LTN1: variants seen among roughly 807,000 people sequenced by gnomAD.
LTN1 encodes E3 ubiquitin-protein ligase listerin.
In LTN1, 88 loss-of-function variants were observed where a neutral mutation model predicts 201.2. That is an observed-to-expected ratio of 0.44 (90% CI 0.37 to 0.52). LTN1 has a LOEUF of 0.52. LTN1 is among the 20% of genes least tolerant of loss of function. The probability of loss-of-function intolerance (pLI) is 0.00; values close to 1 mark genes in which losing one functional copy is unlikely to be tolerated. For synonymous variants in LTN1, 645 were observed against 713.5 expected, an observed-to-expected ratio of 0.90 and a Z score of 1.53; for missense variants, 1,752 against 2,038.7, an observed-to-expected ratio of 0.86 and a Z score of 2.71.
At position 28,984,773 on chromosome 21, in the gene LTN1, T is replaced by C. The variant is rs1460534566; in HGVS notation, c.495A>G (p.Ala165=). 9.3e-6 allele frequency: 15 copies of C among 1,614,124 alleles called. No homozygotes were observed. The African/African-American group carries it at 1.7e-4, about 19-fold the overall frequency. The change falls in exon 4 of 30, where the codon GCA becomes GCG. Residue 165 remains alanine (A), a synonymous_variant. Coordinates refer to ENST00000361371, the MANE Select transcript of LTN1 (RefSeq NM_015565.3). ...AAGCCGCTTCAAATGCATCTTTTGC[T>C]GCAAACGCAGCTGGTGTGTAAGTAT... ...QCDTYTPAAF[A]AKDAFEAAFP... is the part of the protein sequence containing the mutation.
chr21:28,959,346 T>C (rs776808468), intron 13 of LTN1, 112 bp downstream of exon 13: 6 of 1,342,484 alleles, frequency 4.5e-6, no homozygotes, highest in Non-Finnish European at 6.1e-6. Flanking sequence ...CTCAAAATGC[T>C]TTAAACTTTC....
Position 28,985,968 on chromosome 21 carries a change from C to CT in LTN1, c.345+170dup, listed in dbSNP as rs1307580837. 6.6e-5 allele frequency among the ~76,000 whole-genome samples: 10 copies of CT among 152,194 alleles called. No homozygotes were observed. The East Asian group carries it at 1.7e-3, about 26-fold the overall frequency. ...GAGCCACCATACCAGGCCCCAATCT[C>CT]TTTTTTTATTTCCACGCTCTTCTCA... On this transcript the variant is annotated intron_variant, in intron 3 of 29. Transcript: ENST00000361371.
At chr21:28,948,070 T>C (rs2084353536) in intron 18 of LTN1, among the ~76,000 whole-genome samples, 1 of 146,348 alleles carries the variant, frequency 6.8e-6, no homozygotes, top group Non-Finnish European at 1.5e-5. Context: ...CAGGCACCTG[T>C]AATCCCAGCT....
At chr21:28,980,569 CA>C (rs565993803) in intron 6 of LTN1, among the ~76,000 whole-genome samples, 122 of 132,864 alleles carry the variant, frequency 9.2e-4, no homozygotes, top group East Asian at 4.5e-3. Flanking sequence ...AAAGAACTAC[CA>C]AAAAAAAAAA....
chr21:28,938,555 G>C (rs1051931061), intron 25 of LTN1, among the ~76,000 whole-genome samples: 2 of 151,968 alleles, frequency 1.3e-5, no homozygotes, highest in Non-Finnish European at 2.9e-5. Flanking sequence ...ATACGACCCA[G>C]CAATCCCACT....
At position 28,990,806 on chromosome 21, in the gene LTN1, T is replaced by C. The variant is rs1009491956; in HGVS notation, c.42+1958A>G. 3.9e-5 allele frequency among the ~76,000 whole-genome samples: 6 copies of C among 152,280 alleles called. 1 individual carries two copies. The highest frequency in any genetic ancestry group is 1.4e-4 in the African/African-American group (6 of 41,556). On this transcript the variant is annotated intron_variant, in intron 1 of 29. Coordinates refer to ENST00000361371, the MANE Select transcript of LTN1 (RefSeq NM_015565.3). ...AAATGGCCCAGGCTCTTCCAAATTTTGTTAAAAAAGACACTCCTCTCCCCG... is the reference window on the plus strand; with the variant it reads ...AAATGGCCCAGGCTCTTCCAAATTTCGTTAAAAAAGACACTCCTCTCCCCG...
intron 4 of LTN1, among the ~76,000 whole-genome samples, chr21:28,984,230 GA>G (rs987406810): frequency 1.3e-5 from 2 of 151,256 alleles, no homozygotes; most frequent in Non-Finnish European, 2.9e-5. Context: ...ATAAAAATTG[GA>G]AAAAAATCCA....
rs2146289354 is a variant in LTN1 at position 28,959,607 on chromosome 21, C to T, written c.2444G>A (p.Ser815Asn). ...GATAAAAGACACTGATGAGTCACTGCTTTCAGCTTCTGATAATTTCTTTGT... is the reference window on the plus strand; with the variant it reads ...GATAAAAGACACTGATGAGTCACTGTTTTCAGCTTCTGATAATTTCTTTGT... The part of the protein sequence containing the change: ...FKTKKLSEAE[S>N]SDSSVSFICD... The change falls in exon 13 of 30, where the codon AGC becomes AAC. Residue 815 changes from serine to asparagine, a missense_variant. Physicochemically the swap from Ser to Asn is conservative, Grantham distance 46. Around this residue, in one of 3 missense-constraint regions of LTN1, gnomAD observed 1,211 missense variants for 1,312.8 expected, o/e 0.92. Coordinates refer to ENST00000361371, the MANE Select transcript of LTN1 (RefSeq NM_015565.3). The T allele has an allele frequency of 2.5e-6, 4 of 1,614,002 alleles. No homozygotes were observed. In the South Asian group the frequency reaches 3.3e-5, roughly 13 times the overall value.
rs1367732187 is a variant in LTN1 at position 28,952,274 on chromosome 21, G to GA, written c.3240-11dup. The GA allele has an allele frequency of 6.7e-7, 1 of 1,501,122 alleles. No homozygotes were observed. The highest frequency in any genetic ancestry group is 9.1e-7 in the Non-Finnish European group (1 of 1,098,114). The allele number at this position is 1,501,122 out of a possible 1,614,324, so 93.0% of individuals were successfully genotyped here. A position where few individuals can be genotyped will look rare whatever the true frequency, so the allele number is the denominator to read the frequency against. Reference sequence around the variant, plus strand: ...GCCATGTTCTCTGGACCTGAAAAAGGAAAGAAAAAAATTATATTCCGTTTT... The same window carrying GA: ...GCCATGTTCTCTGGACCTGAAAAAGGAAAAGAAAAAAATTATATTCCGTTTT... On this transcript the variant is annotated splice_polypyrimidine_tract_variant and intron_variant, in intron 17 of 29. Transcript: ENST00000361371.
rs1370518627 is a variant in LTN1 at position 28,969,537 on chromosome 21, C to T, written c.1240G>A (p.Glu414Lys). 8 of 1,610,460 alleles carry T rather than the reference C, an allele frequency of 5.0e-6. No individual in the cohort carries two copies. The East Asian group carries it at 1.6e-4, about 31-fold the overall frequency. ...TGCTGCATTATAAAACGTAAGCATT[C>T]AAAAAAAGCAGATATTACTGCCGAG... ...ESSAVISAFF[E>K]CLRFIMQQNL... Residue 414 changes from glutamate to lysine, a missense_variant, in exon 9 of 30, where the codon GAA (glutamate) becomes AAA (lysine). This residue lies in a region of LTN1 where 1,211 missense variants were observed against 1,312.8 expected (regional missense o/e 0.92). Transcript: ENST00000361371.
chr21:28,971,497 T>C, intron 6 of LTN1, 53 bp from the exon 7 acceptor site: 1 of 1,536,172 alleles, frequency 6.5e-7, no homozygotes, highest in South Asian at 1.2e-5. Flanking sequence ...CTTGATAAGA[T>C]TTTTAATTTA....
At chr21:28,947,141 T>C (rs1006532290) in intron 19 of LTN1, among the ~76,000 whole-genome samples, 2 of 152,316 alleles carry the variant, frequency 1.3e-5, no homozygotes, top group Admixed American at 6.5e-5. Flanking sequence ...GTGCAGTGTT[T>C]TAAATACAAC....
intron 25 of LTN1, among the ~76,000 whole-genome samples, chr21:28,938,987 T>A (rs886070172): frequency 1.3e-5 from 2 of 152,294 alleles, no homozygotes; most frequent in Admixed American, 6.5e-5. Flanking sequence ...GGTTAACAGT[T>A]GCACAACTCT....
chr21:28,977,979 AAC>A (rs2084629784), intron 6 of LTN1, among the ~76,000 whole-genome samples: 1 of 151,676 alleles, frequency 6.6e-6, no homozygotes, highest in Non-Finnish European at 1.5e-5. Context: ...GCACTGGTAT[AAC>A]AAGAAACAGA....
Position 28,958,486 on chromosome 21 carries a change from C to T in LTN1, c.2647G>A (p.Val883Ile), listed in dbSNP as rs768767705. 9.9e-6 allele frequency: 16 copies of T among 1,611,194 alleles called. No homozygotes were observed. Among genetic ancestry groups the T allele is most frequent in the Non-Finnish European group, 1.4e-5 (16 of 1,178,698 alleles). ...TTATATGAACTGTCAGTTTGATGAA[C>T]CAATAAATTTACACCAGAGAGCCAA... ...NTWLSGVNLL[V>I]HQTDSSYKES... Residue 883 changes from valine to isoleucine, a missense_variant, in exon 14 of 30, where the codon GTT becomes ATT. Val to Ile is a conservative substitution (Grantham distance 29). Coordinates refer to ENST00000361371, the MANE Select transcript of LTN1 (RefSeq NM_015565.3).
chr21:28,931,079 G>T, intron 29 of LTN1, 76 bp downstream of exon 29: 1 of 839,742 alleles, frequency 1.2e-6, no homozygotes, highest in Non-Finnish European at 1.9e-6. Flanking sequence ...GTGTGTGTGT[G>T]TGTGTGTGTG....
chr21:28,962,747 C>T (rs1380953028), intron 11 of LTN1, among the ~76,000 whole-genome samples: 2 of 152,158 alleles, frequency 1.3e-5, no homozygotes, highest in Non-Finnish European at 2.9e-5. Context: ...ATGTTGAAAG[C>T]CAAGACAGGT....
rs1467404445 is a variant in LTN1 at position 28,931,468 on chromosome 21, T to C, written c.5071-146A>G. The C allele has an allele frequency of 3.9e-5, 22 of 559,774 alleles. No homozygotes were observed. In the South Asian group the frequency reaches 5.4e-4, roughly 14 times the overall value. The allele number at this position is 559,774 out of a possible 1,614,324, so 34.7% of individuals were successfully genotyped here. A position where few individuals can be genotyped will look rare whatever the true frequency, so the allele number is the denominator to read the frequency against. ...GTTCATGTCTCCCAACTTATGAATG[T>C]TGGTTTTTAAAATAACCTCCCAAGT... On this transcript the variant is annotated intron_variant, in intron 28 of 29. Transcript: ENST00000361371.
At chr21:28,991,093 C>T (rs2084741316) in intron 1 of LTN1, among the ~76,000 whole-genome samples, 1 of 150,988 alleles carries the variant, frequency 6.6e-6, no homozygotes, top group African/African-American at 2.4e-5. Context: ...GCCAAGTTCA[C>T]GCCTCTGCAC....
Sources: gnomAD v4.1 joint callset for allele counts (sites outside exome capture counted in the v4.1 genomes callset) on GRCh38, gnomAD v4.1.1 for gene constraint, gnomAD v4.1.1 regional missense constraint, MANE v1.5 for transcripts, NCBI Gene and HGNC (gene_info 2026-07-23, HGNC 2026-07-21) for gene names.